The following IMMP2L variants were observed in gnomAD, a reference collection of about 807,000 sequenced individuals.
The protein encoded by IMMP2L is mitochondrial inner membrane protease subunit 2.
In IMMP2L, 18 loss-of-function variants were observed where a neutral mutation model predicts 19.3. That is an observed-to-expected ratio of 0.93 (90% CI 0.64 to 1.38). The LOEUF (loss-of-function observed/expected upper bound fraction) is 1.38, where lower values mean the gene tolerates loss of function less well. Among genes scored for constraint, IMMP2L ranks in the 40% most tolerant of loss-of-function variants. The probability of loss-of-function intolerance (pLI) is 0.00; values close to 1 mark genes in which losing one functional copy is unlikely to be tolerated. For synonymous variants in IMMP2L, 76 were observed against 73.0 expected, an observed-to-expected ratio of 1.04 and a Z score of -0.21; for missense variants, 233 against 218.2, an observed-to-expected ratio of 1.07 and a Z score of -0.43.
Position 111,031,082 on chromosome 7 carries a change from CAT to C in IMMP2L, c.240-67519_240-67518del, listed in dbSNP as rs893172017. Among the ~76,000 whole-genome samples, 13 of 151,584 alleles carry C rather than the reference CAT, an allele frequency of 8.6e-5. No individual in the cohort carries two copies. The East Asian group carries it at 9.7e-4, about 11-fold the overall frequency. ...TATGGTAGGAGACACAGTATGAACA[CAT>C]GTTTAGCTTAATATAGATACAGATA... On this transcript the variant is annotated intron_variant, in intron 3 of 5. Transcript: ENST00000405709.
chr7:110,843,078 C>T (rs1329297282), intron 5 of IMMP2L, among the ~76,000 whole-genome samples: 1 of 151,944 alleles, frequency 6.6e-6, no homozygotes, highest in Non-Finnish European at 1.5e-5. Context: ...TAGCTTTGTG[C>T]TGGTAATTCT....
intron 3 of IMMP2L, among the ~76,000 whole-genome samples, chr7:111,406,220 T>G (rs1833890911): frequency 6.6e-6 from 1 of 152,082 alleles, no homozygotes; most frequent in Non-Finnish European, 1.5e-5. Flanking sequence ...TCCAATTGCT[T>G]AGGCCAAAAA....
intron 3 of IMMP2L, among the ~76,000 whole-genome samples, chr7:111,086,806 T>C (rs1342852091): frequency 1.3e-5 from 2 of 152,206 alleles, no homozygotes; most frequent in African/African-American, 4.8e-5. Context: ...GAGCTCTACT[T>C]CTCAAATCAT....
chr7:110,993,436 C>A (rs2129559961), intron 3 of IMMP2L, among the ~76,000 whole-genome samples: 1 of 152,176 alleles, frequency 6.6e-6, no homozygotes, highest in African/African-American at 2.4e-5. Context: ...ATGGCTGCTC[C>A]TTTCCTTGAA....
chr7:110,832,942 A>G (rs1194988103), intron 5 of IMMP2L, among the ~76,000 whole-genome samples: 1 of 152,210 alleles, frequency 6.6e-6, no homozygotes, highest in Non-Finnish European at 1.5e-5. Context: ...TCCCTCCAGT[A>G]CAGCTCCTGA....
At position 111,267,283 on chromosome 7, in the gene IMMP2L, G is replaced by A. The variant is rs75770292; in HGVS notation, c.239+219955C>T. On this transcript the variant is annotated intron_variant, in intron 3 of 5. Transcript: ENST00000405709. ...CATTAAAAAAACATAGTGATTTAGG[G>A]GAATTTTAGGTAATTTGAATGGGTA... Among the ~76,000 whole-genome samples the A allele has an allele frequency of 4.8e-4, 73 of 151,838 alleles. 1 individual carries two copies. The East Asian group carries it at 0.012, about 24-fold the overall frequency.
intron 3 of IMMP2L, among the ~76,000 whole-genome samples, chr7:111,284,043 C>T (rs907909892): frequency 6.6e-6 from 1 of 150,708 alleles, no homozygotes; most frequent in African/African-American, 2.4e-5. Flanking sequence ...TCACAGTACT[C>T]ATGTATATTA....
intron 5 of IMMP2L, among the ~76,000 whole-genome samples, chr7:110,817,503 G>T (rs1355060223): frequency 6.6e-6 from 1 of 152,070 alleles, no homozygotes; most frequent in Non-Finnish European, 1.5e-5. Flanking sequence ...CTCACGGGTA[G>T]GAAGAATCAA....
intron 3 of IMMP2L, among the ~76,000 whole-genome samples, chr7:111,428,373 G>A (rs1403317578): frequency 2.0e-5 from 3 of 151,544 alleles, no homozygotes; most frequent in African/African-American, 7.3e-5. Context: ...AAGTAATAAG[G>A]ACTGGAAAAA....
At chr7:111,071,350 T>G (rs1794932640) in intron 3 of IMMP2L, among the ~76,000 whole-genome samples, 1 of 152,074 alleles carries the variant, frequency 6.6e-6, no homozygotes, top group African/African-American at 2.4e-5. Flanking sequence ...AAGGTAAACA[T>G]AGGATTACCA....
intron 3 of IMMP2L, among the ~76,000 whole-genome samples, chr7:111,358,558 C>G (rs1828945889): frequency 6.6e-6 from 1 of 152,086 alleles, no homozygotes; most frequent in South Asian, 2.1e-4. Context: ...CACCAGGCAG[C>G]AAAGCAAGAA....
At chr7:111,220,928 A>T (rs1455010313) in intron 3 of IMMP2L, among the ~76,000 whole-genome samples, 1 of 152,024 alleles carries the variant, frequency 6.6e-6, no homozygotes, top group Admixed American at 6.6e-5. Flanking sequence ...TGTTCTATTC[A>T]GGCCCTCAAT....
chr7:110,883,545 C>T (rs1204763648), intron 5 of IMMP2L, among the ~76,000 whole-genome samples: 1 of 152,098 alleles, frequency 6.6e-6, no homozygotes, highest in Non-Finnish European at 1.5e-5. Flanking sequence ...TAAATAGTTT[C>T]TGCCTCTGAA....
At chr7:110,690,799 A>G (rs1793439404) in intron 5 of IMMP2L, among the ~76,000 whole-genome samples, 1 of 152,060 alleles carries the variant, frequency 6.6e-6, no homozygotes, top group Non-Finnish European at 1.5e-5. Flanking sequence ...GAACTATAAA[A>G]CACTGCTAAA....
intron 3 of IMMP2L, among the ~76,000 whole-genome samples, chr7:111,027,842 G>C (rs1827014007): frequency 6.6e-6 from 1 of 152,040 alleles, no homozygotes; most frequent in African/African-American, 2.4e-5. Flanking sequence ...AGAAGACTCA[G>C]AATAGGACGA....
chr7:110,802,147 A>AT (rs1801296164), intron 5 of IMMP2L, among the ~76,000 whole-genome samples: 1 of 152,110 alleles, frequency 6.6e-6, no homozygotes, highest in Admixed American at 6.6e-5. Context: ...TTGAATATAG[A>AT]TAAGAATCCT....
chr7:111,148,451 C>T (rs139351152), intron 3 of IMMP2L, among the ~76,000 whole-genome samples: 2,008 of 151,974 alleles, frequency 0.013, 36 homozygotes, highest in Admixed American at 0.055. Context: ...TAATAATGTA[C>T]AACTCTGTAA....
intron 3 of IMMP2L, among the ~76,000 whole-genome samples, chr7:111,158,178 C>G (rs1005659689): frequency 2.0e-5 from 3 of 151,664 alleles, no homozygotes; most frequent in Non-Finnish European, 4.4e-5. Flanking sequence ...GTTAAAAACT[C>G]AGAAAAATGT....
intron 1 of IMMP2L, among the ~76,000 whole-genome samples, chr7:111,557,413 T>C (rs938245038): frequency 1.3e-5 from 2 of 152,216 alleles, no homozygotes; most frequent in African/African-American, 4.8e-5. Context: ...CCTGACCTTG[T>C]CCTTCACACT....
Sources: gnomAD v4.1 joint callset for allele counts (sites outside exome capture counted in the v4.1 genomes callset) on GRCh38, gnomAD v4.1.1 for gene constraint, MANE v1.5 for transcripts, NCBI Gene and HGNC (gene_info 2026-07-23, HGNC 2026-07-21) for gene names.